Variants in ADGRL3 observed in about 807,000 individuals in gnomAD.
ADGRL3 encodes the protein calcium-independent alpha-latrotoxin receptor 3.
Under a neutral mutation model 153.5 loss-of-function variants are expected in ADGRL3, and 62 were observed. The observed-to-expected ratio is 0.40, with a 90% CI of 0.33 to 0.50. The LOEUF (loss-of-function observed/expected upper bound fraction) is 0.50, where lower values mean the gene tolerates loss of function less well. Among genes scored for constraint, ADGRL3 ranks in the 20% least tolerant of loss-of-function variants. The pLI, the probability that ADGRL3 is intolerant of heterozygous loss-of-function variation, is 0.47. For synonymous variants in ADGRL3, 710 were observed against 672.5 expected (o/e 1.06, Z -0.86); for missense variants, 1,641 against 1,859.4 (o/e 0.88, Z 2.16).
In ADGRL3 at chr4:61,200,700, G is replaced by A. The variant is rs1450205041; in HGVS notation, c.-1305G>A. On this transcript the variant is annotated 5_prime_UTR_variant, in exon 1 of 27. It adds an upstream start codon to the 5' untranslated region. Transcript: ENST00000683033. ...GGTTTGCTTTGGCAGGAGCTCGCTC[G>A]TGTGTGCGCGTGTGTGAGTGTGCGT... Among the ~76,000 whole-genome samples the A allele has an allele frequency of 6.6e-6, 1 of 152,006 alleles. No homozygotes were observed. The highest frequency in any genetic ancestry group is 1.5e-5 in the Non-Finnish European group (1 of 67,992).
intron 21 of ADGRL3, among the ~76,000 whole-genome samples, chr4:62,018,290 T>C (rs2099222581): frequency 6.6e-6 from 1 of 152,074 alleles, no homozygotes; most frequent in Non-Finnish European, 1.5e-5. Flanking sequence ...GTGTTCTTAC[T>C]AGAGTTTGCA....
At chr4:61,440,107 A>T (rs570167729) in intron 2 of ADGRL3, among the ~76,000 whole-genome samples, 98 of 152,116 alleles carry the variant, frequency 6.4e-4, no homozygotes, top group Non-Finnish European at 1.2e-3. Flanking sequence ...GAAGTACAGT[A>T]GTGCAATCTT....
chr4:61,808,053 A>ATT (rs1408110480), intron 8 of ADGRL3, among the ~76,000 whole-genome samples: 1 of 152,122 alleles, frequency 6.6e-6, no homozygotes, highest in African/African-American at 2.4e-5. Flanking sequence ...TCACTGGACT[A>ATT]TGACATGCTC....
intron 9 of ADGRL3, among the ~76,000 whole-genome samples, chr4:61,828,555 T>A (rs139762860): frequency 1.8e-4 from 28 of 152,236 alleles, no homozygotes; most frequent in African/African-American, 6.0e-4. Context: ...AGTTTAAAAA[T>A]CATCCCACCC....
Position 62,037,771 on chromosome 4 carries a change from G to T in ADGRL3, c.3632G>T (p.Cys1211Phe). 6.2e-7 allele frequency: 1 copy of T among 1,613,748 alleles called. No individual in the cohort carries two copies. The highest frequency in any genetic ancestry group is 8.5e-7 in the Non-Finnish European group (1 of 1,179,758). The change falls in exon 24 of 27, where the codon TGT becomes TTT. Residue 1211 changes from cysteine to phenylalanine, a missense_variant. Physicochemically the swap from Cys to Phe is radical, Grantham distance 205. Around this residue, in one of 5 missense-constraint regions of ADGRL3, gnomAD observed 517 missense variants for 555.0 expected, o/e 0.93. Coordinates refer to ENST00000683033, the MANE Select transcript of ADGRL3 (RefSeq NM_001387552.1). ...EYGKCLRTHC[C>F]SGKSTESSIG... ...GGGAAATGCCTGCGAACACATTGCTGTAGTGGCAAAAGTACAGAGAGTTCC... is the reference window on the plus strand; with the variant it reads ...GGGAAATGCCTGCGAACACATTGCTTTAGTGGCAAAAGTACAGAGAGTTCC...
chr4:61,299,005 A>G (rs528931392), intron 1 of ADGRL3, among the ~76,000 whole-genome samples: 36 of 152,336 alleles, frequency 2.4e-4, no homozygotes, highest in African/African-American at 8.7e-4. Flanking sequence ...GCAAGATTCT[A>G]CTTTTGCAAA....
intron 8 of ADGRL3, among the ~76,000 whole-genome samples, chr4:61,736,853 A>G (rs1454213610): frequency 6.6e-6 from 1 of 152,218 alleles, no homozygotes; most frequent in Non-Finnish European, 1.5e-5. Context: ...TATAATCACA[A>G]AAAACTATCA....
chr4:61,538,821 T>A (rs1164480706), intron 4 of ADGRL3, among the ~76,000 whole-genome samples: 2 of 152,106 alleles, frequency 1.3e-5, no homozygotes, highest in Non-Finnish European at 2.9e-5. Flanking sequence ...AATCTGACAA[T>A]GAATGGAAGC....
intron 3 of ADGRL3, among the ~76,000 whole-genome samples, chr4:61,505,436 A>G (rs931998443): frequency 1.3e-5 from 2 of 151,984 alleles, no homozygotes; most frequent in African/African-American, 4.8e-5. Flanking sequence ...TTGAAACTTT[A>G]TTTTTATAGG....
chr4:61,799,547 C>A (rs755332458), intron 8 of ADGRL3, among the ~76,000 whole-genome samples: 6 of 152,040 alleles, frequency 3.9e-5, no homozygotes, highest in Non-Finnish European at 8.8e-5. Context: ...TTTGCTGACC[C>A]CTACTCTATG....
intron 25 of ADGRL3, among the ~76,000 whole-genome samples, chr4:62,066,019 C>T (rs1024133388): frequency 6.6e-6 from 1 of 151,898 alleles, no homozygotes; most frequent in African/African-American, 2.4e-5. Flanking sequence ...TTTTAAAAAA[C>T]CAAAGTAAAT....
At chr4:61,249,263 A>G (rs1259391337) in intron 1 of ADGRL3, among the ~76,000 whole-genome samples, 3 of 152,308 alleles carry the variant, frequency 2.0e-5, no homozygotes, top group Admixed American at 6.5e-5. Context: ...TAACACATTC[A>G]TAAGGATTAA....
At chr4:61,614,826 T>G (rs1309800819) in intron 5 of ADGRL3, among the ~76,000 whole-genome samples, 1 of 152,196 alleles carries the variant, frequency 6.6e-6, no homozygotes, top group Non-Finnish European at 1.5e-5. Context: ...TAATCTATTT[T>G]AATTTTGATT....
At chr4:61,930,826 T>C (rs868631021) in intron 13 of ADGRL3, among the ~76,000 whole-genome samples, 24 of 151,956 alleles carry the variant, frequency 1.6e-4, no homozygotes, top group African/African-American at 5.8e-4. Flanking sequence ...AGGATAATAC[T>C]CACCCGTACC....
intron 5 of ADGRL3, among the ~76,000 whole-genome samples, chr4:61,642,055 T>G (rs1327814255): frequency 1.3e-5 from 2 of 150,420 alleles, no homozygotes; most frequent in African/African-American, 4.9e-5. Flanking sequence ...GAGCATTTTT[T>G]CATGTGTTTT....
At chr4:61,930,658 C>T (rs1028801096) in intron 13 of ADGRL3, among the ~76,000 whole-genome samples, 1 of 151,338 alleles carries the variant, frequency 6.6e-6, no homozygotes, top group Non-Finnish European at 1.5e-5. Flanking sequence ...CTAATAATGT[C>T]GCATTAAAAA....
intron 4 of ADGRL3, among the ~76,000 whole-genome samples, chr4:61,554,377 G>A (rs944502143): frequency 4.0e-5 from 6 of 151,776 alleles, no homozygotes; most frequent in Non-Finnish European, 8.8e-5. Context: ...TGTATTTTTA[G>A]TAGATACGGG....
intron 9 of ADGRL3, among the ~76,000 whole-genome samples, chr4:61,816,725 T>A (rs1310923474): frequency 6.6e-6 from 1 of 152,124 alleles, no homozygotes; most frequent in Non-Finnish European, 1.5e-5. Flanking sequence ...ACAGCCGCTG[T>A]GGGGATGCCA....
intron 2 of ADGRL3, among the ~76,000 whole-genome samples, chr4:61,451,238 A>G (rs1329410784): frequency 6.6e-6 from 1 of 152,174 alleles, no homozygotes; most frequent in African/African-American, 2.4e-5. Context: ...TTACTGTGAT[A>G]ATTTGTCAGA....
Sources: gnomAD v4.1 joint callset for allele counts (sites outside exome capture counted in the v4.1 genomes callset) on GRCh38, gnomAD v4.1.1 for gene constraint, gnomAD v4.1.1 regional missense constraint, MANE v1.5 for transcripts, NCBI Gene and HGNC (gene_info 2026-07-23, HGNC 2026-07-21) for gene names.